The following PDE4D variants were observed in gnomAD, a reference collection of about 807,000 sequenced individuals.
The protein encoded by PDE4D is 3',5'-cyclic-AMP phosphodiesterase 4D.
Under a neutral mutation model 87.4 loss-of-function variants are expected in PDE4D, and 24 were observed. The ratio of observed to expected loss-of-function variants is 0.27; its 90% confidence interval spans 0.20 to 0.39. PDE4D has a LOEUF of 0.39. Ranked by LOEUF, PDE4D falls within the 10% of genes least tolerant of loss-of-function variation. The pLI is 1.00. For missense variants in PDE4D, 714 were observed against 1,041.0 expected (o/e 0.69, Z 4.32); for synonymous variants, 384 against 383.2 (o/e 1.00, Z -0.02).
intron 5 of PDE4D, among the ~76,000 whole-genome samples, chr5:59,100,166 C>T (rs1468371235): frequency 6.6e-6 from 1 of 152,200 alleles, no homozygotes; most frequent in Admixed American, 6.5e-5. Flanking sequence ...CGAGTGATTG[C>T]TCCAAAATAC....
intron 1 of PDE4D, among the ~76,000 whole-genome samples, chr5:59,267,066 A>G (rs1304046197): frequency 6.6e-6 from 1 of 152,104 alleles, no homozygotes; most frequent in African/African-American, 2.4e-5. Context: ...TATGACTCCA[A>G]CTATGACTAT....
At chr5:60,383,824 T>C (rs1328094738) in intron 1 of PDE4D, among the ~76,000 whole-genome samples, 1 of 152,238 alleles carries the variant, frequency 6.6e-6, no homozygotes, top group Admixed American at 6.5e-5. Context: ...AAATACATTA[T>C]ATGAATTAGC....
intron 1 of PDE4D, among the ~76,000 whole-genome samples, chr5:59,711,357 ATAGT>A (rs1027020926): frequency 2.6e-5 from 4 of 151,892 alleles, no homozygotes; most frequent in Admixed American, 6.6e-5. Flanking sequence ...TTTAAAAATA[ATAGT>A]TAAATAAAAA....
intron 2 of PDE4D, among the ~76,000 whole-genome samples, chr5:59,203,771 T>C (rs1003989684): frequency 6.6e-6 from 1 of 152,104 alleles, no homozygotes; most frequent in African/African-American, 2.4e-5. Flanking sequence ...ATCTCACACA[T>C]ATGTGGAATC....
chr5:59,762,641 C>T (rs1413319154), intron 1 of PDE4D, among the ~76,000 whole-genome samples: 8 of 130,520 alleles, frequency 6.1e-5, no homozygotes, highest in African/African-American at 1.1e-4. Flanking sequence ...TATGGGTACA[C>T]ATATGTGTAT....
intron 1 of PDE4D, among the ~76,000 whole-genome samples, chr5:59,579,478 G>A (rs534386143): frequency 3.9e-5 from 6 of 152,302 alleles, no homozygotes; most frequent in African/African-American, 1.4e-4. Context: ...ACAAAATGAA[G>A]TTTAAAGACA....
chr5:59,707,326 T>G (rs1490627483), intron 1 of PDE4D, among the ~76,000 whole-genome samples: 1 of 152,092 alleles, frequency 6.6e-6, no homozygotes, highest in African/African-American at 2.4e-5. Flanking sequence ...TTCTTGGCAC[T>G]GAGGGGAATA....
chr5:59,932,400 T>C (rs970993443), intron 3 of PDE4D, among the ~76,000 whole-genome samples: 1 of 152,194 alleles, frequency 6.6e-6, no homozygotes, highest in African/African-American at 2.4e-5. Flanking sequence ...TTTGCAACTC[T>C]TGTTTACTAA....
intron 1 of PDE4D, among the ~76,000 whole-genome samples, chr5:59,608,859 G>A (rs539272846): frequency 2.0e-5 from 3 of 152,148 alleles, no homozygotes; most frequent in Admixed American, 1.3e-4. Context: ...CTTCTGTCTT[G>A]GGATGTCTCT....
At chr5:59,637,977 T>C (rs761547664) in intron 1 of PDE4D, among the ~76,000 whole-genome samples, 24 of 152,216 alleles carry the variant, frequency 1.6e-4, no homozygotes, top group Non-Finnish European at 3.1e-4. Context: ...TATTATTTCG[T>C]TATATTTTCC....
intron 1 of PDE4D, among the ~76,000 whole-genome samples, chr5:59,273,864 A>G (rs1764313028): frequency 6.6e-6 from 1 of 152,188 alleles, no homozygotes; most frequent in African/African-American, 2.4e-5. Context: ...AAGGGTGTCA[A>G]TGTTACTCAT....
rs564886374 is a variant in PDE4D, at chr5:60,407,996, C to T, written c.-90+79946G>A. Among the ~76,000 whole-genome samples, 164 of 152,056 alleles carry T rather than the reference C, an allele frequency of 1.1e-3. 1 individual carries two copies. Among genetic ancestry groups the T allele is most frequent in the Admixed American group, 2.5e-3 (38 of 15,278 alleles). On this transcript the variant is annotated intron_variant, in intron 1 of 16. Coordinates refer to the PDE4D transcript ENST00000502484. The stretch of plus-strand genomic sequence containing the variant: ...AGCTTCCGTCTTCTTTACTGGAACT[C>T]GTATGCTTGGAGTCCTGAGCTCCAC...
At chr5:60,327,688 G>T (rs1003814671) in intron 1 of PDE4D, among the ~76,000 whole-genome samples, 1 of 152,062 alleles carries the variant, frequency 6.6e-6, no homozygotes, top group Non-Finnish European at 1.5e-5. Context: ...ATTTGTAATA[G>T]TCCAAATGGA....
At chr5:58,991,023 G>C in intron 8 of PDE4D, 121 bp from the exon 9 acceptor site, 1 of 617,756 alleles carries the variant, frequency 1.6e-6, no homozygotes. Flanking sequence ...GCTCAAGCCT[G>C]TAATCCCAGA....
At chr5:59,473,317 A>G (rs1235203402) in intron 1 of PDE4D, among the ~76,000 whole-genome samples, 2 of 152,098 alleles carry the variant, frequency 1.3e-5, no homozygotes, top group Non-Finnish European at 2.9e-5. Flanking sequence ...AGTGGCCAGA[A>G]TAGAGAAATC....
intron 1 of PDE4D, among the ~76,000 whole-genome samples, chr5:59,882,539 T>G (rs1324039564): frequency 6.6e-6 from 1 of 152,234 alleles, no homozygotes; most frequent in Non-Finnish European, 1.5e-5. Context: ...AGAGAAGGGC[T>G]GTGAGTAAAT....
At chr5:59,993,893 T>C (rs1763265045) in intron 2 of PDE4D, among the ~76,000 whole-genome samples, 1 of 152,070 alleles carries the variant, frequency 6.6e-6, no homozygotes, top group African/African-American at 2.4e-5. Context: ...TAAAATTATA[T>C]TCAAAAATTA....
chr5:60,460,720 G>T, intron 1 of PDE4D: 1 of 789,270 alleles, frequency 1.3e-6, no homozygotes, highest in Non-Finnish European at 2.1e-6. Context: ...CAGGAGTGGA[G>T]ACTGGCATTT....
intron 1 of PDE4D, among the ~76,000 whole-genome samples, chr5:59,458,961 A>G (rs1384405553): frequency 5.1e-4 from 77 of 152,232 alleles, no homozygotes; most frequent in Non-Finnish European, 2.4e-4. Flanking sequence ...TTGTTTGCCA[A>G]TAGAGGTTTA....
Sources: gnomAD v4.1 joint callset for allele counts (sites outside exome capture counted in the v4.1 genomes callset) on GRCh38, gnomAD v4.1.1 for gene constraint, MANE v1.5 for transcripts, NCBI Gene and HGNC (gene_info 2026-07-23, HGNC 2026-07-21) for gene names.